Variants in URI1 observed in about 807,000 individuals in gnomAD.
URI1 encodes URI1 prefoldin like chaperone, also known as unconventional prefoldin RPB5 interactor 1.
URI1 carries 39 observed loss-of-function variants against 60.2 expected under a neutral mutation model. The observed-to-expected ratio is 0.65, with a 90% CI of 0.50 to 0.85. The LOEUF is 0.85. URI1 is among the 40% of genes least tolerant of loss of function. URI1 has a pLI of 0.00. For synonymous variants in URI1, 251 were observed against 236.8 expected, an observed-to-expected ratio of 1.06 and a Z score of -0.55; for missense variants, 691 against 665.9, an observed-to-expected ratio of 1.04 and a Z score of -0.42.
rs982858558 is a variant in URI1 at position 30,015,543 on chromosome 19, G to A, written c.*474G>A. 1.6e-5 allele frequency: 25 copies of A among 1,534,618 alleles called. No homozygotes were observed. Among genetic ancestry groups the A allele is most frequent in the Non-Finnish European group, 1.7e-5 (20 of 1,146,208 alleles). On this transcript the variant is annotated 3_prime_UTR_variant, in exon 11 of 11. Transcript: ENST00000392271. ...AATCTACTTCTCTTGTAGGTTTTGC[G>A]GCTAGTTGGCTATTCAAGAAACCTC...
chr19:29,937,393 C>A (rs2054982960), upstream of URI1, among the ~76,000 whole-genome samples: 1 of 151,952 alleles, frequency 6.6e-6, no homozygotes, highest in African/African-American at 2.4e-5. Context: ...TCTTTTTTTC[C>A]CCCTGTGAAT....
In URI1 at chr19:29,952,687, A is replaced by G. The variant is rs1169040634; in HGVS notation, c.117+10023A>G. On this transcript the variant is annotated intron_variant, in intron 1 of 10. Transcript: ENST00000392271. ...AGTTTAGAGATCTTTTATTCTAGCA[A>G]TCTTGTTTTATTATGGTAAACTAAA... 2.0e-5 allele frequency among the ~76,000 whole-genome samples: 3 copies of G among 151,948 alleles called. No individual in the cohort carries two copies. In the East Asian group the frequency reaches 5.8e-4, roughly 29 times the overall value.
rs3049080 is a variant in URI1 at position 29,927,560 on chromosome 19, C to CT, written c.63+3832dup. Among the ~76,000 whole-genome samples, 80 of 39,808 alleles carry CT rather than the reference C, an allele frequency of 2.0e-3. 9 individuals carry two copies. The highest frequency in any genetic ancestry group is 8.8e-3 in the African/African-American group (69 of 7,836). 26.1% of individuals were successfully genotyped at this position (39,808 alleles called of 152,430 possible). A position where few individuals can be genotyped will look rare whatever the true frequency, so the allele number is the denominator to read the frequency against. ...TACAAGCATGAGCCACTGCACCCGG[C>CT]TTTTTTTTTTTTTTTTTTTTTTTTT... is the stretch of plus-strand genomic sequence containing the variant. On this transcript the variant is annotated intron_variant, in intron 1 of 10. Transcript: ENST00000360605.
intron 8 of URI1, among the ~76,000 whole-genome samples, chr19:30,009,795 G>A (rs2055994840): frequency 6.6e-6 from 1 of 152,140 alleles, no homozygotes; most frequent in African/African-American, 2.4e-5. Context: ...AAATGTAGGA[G>A]GAAGTAAAAA....
chr19:29,977,261 C>G (rs1423284810), intron 2 of URI1, among the ~76,000 whole-genome samples: 1 of 151,960 alleles, frequency 6.6e-6, no homozygotes, highest in Non-Finnish European at 1.5e-5. Flanking sequence ...TGCACAGAAG[C>G]ACTGAACTAT....
chr19:29,965,451 G>A (rs1282181369), intron 1 of URI1, among the ~76,000 whole-genome samples: 1 of 152,202 alleles, frequency 6.6e-6, no homozygotes, highest in Non-Finnish European at 1.5e-5. Flanking sequence ...CAGTTCGGAA[G>A]CCTGAAAAGC....
intron 4 of URI1, among the ~76,000 whole-genome samples, chr19:29,993,595 C>CT (rs111505537): frequency 3.0e-4 from 45 of 147,952 alleles, no homozygotes; most frequent in East Asian, 1.6e-3. Context: ...CCGAATACAG[C>CT]TTTTTTTTTT....
intron 1 of URI1, among the ~76,000 whole-genome samples, chr19:29,964,452 G>GTTTTTTTTTTTTTT (rs1380907956): frequency 1.5e-5 from 2 of 137,260 alleles, no homozygotes; most frequent in African/African-American, 5.5e-5. Flanking sequence ...TTTTGTTTTT[G>GTTTTTTTTTTTTTT]TTTTTTGTTT....
intron 1 of URI1, among the ~76,000 whole-genome samples, chr19:29,952,266 A>G (rs2055189350): frequency 6.6e-6 from 1 of 152,246 alleles, no homozygotes; most frequent in African/African-American, 2.4e-5. Context: ...ATCTTGATGC[A>G]CAAAGATTAT....
intron 1 of URI1, among the ~76,000 whole-genome samples, chr19:29,966,809 C>G (rs2055396719): frequency 6.6e-6 from 1 of 152,164 alleles, no homozygotes; most frequent in African/African-American, 2.4e-5. Context: ...GAGAAGCAAA[C>G]TATATAAATT....
intron 4 of URI1, among the ~76,000 whole-genome samples, chr19:30,002,636 A>C (rs959015422): frequency 6.6e-6 from 1 of 151,944 alleles, no homozygotes; most frequent in Non-Finnish European, 1.5e-5. Context: ...TTTGAAAACA[A>C]TCTTCTGTCC....
chr19:30,005,805 C>A, intron 6 of URI1, 97 bp downstream of exon 6: 2 of 1,147,832 alleles, frequency 1.7e-6, no homozygotes, highest in Non-Finnish European at 1.2e-6. Context: ...ATTTAGAATA[C>A]ACTTTTAAAT....
At chr19:29,956,912 A>G in intron 1 of URI1, 2 of 1,146,006 alleles carry the variant, frequency 1.7e-6, no homozygotes, top group Non-Finnish European at 2.6e-6. Flanking sequence ...GCCCTTTATG[A>G]TAACTGTGCG....
At chr19:29,926,720 C>A (rs949379231) in intron 1 of URI1, among the ~76,000 whole-genome samples, 10 of 152,226 alleles carry the variant, frequency 6.6e-5, no homozygotes, top group African/African-American at 2.4e-4. Flanking sequence ...TGTGAAACGA[C>A]CTATACATTG....
intron 1 of URI1, among the ~76,000 whole-genome samples, chr19:29,959,437 T>G (rs2055293937): frequency 6.6e-6 from 1 of 152,200 alleles, no homozygotes; most frequent in Non-Finnish European, 1.5e-5. Flanking sequence ...CTCGTACTGT[T>G]TCTAACTTAA....
chr19:30,000,013 C>T (rs1325493113), intron 4 of URI1, among the ~76,000 whole-genome samples: 1 of 150,968 alleles, frequency 6.6e-6, no homozygotes, highest in Non-Finnish European at 1.5e-5. Flanking sequence ...TATTAACTAC[C>T]TGTCTATAAT....
At chr19:29,948,667 A>G (rs1372198744) in intron 1 of URI1, among the ~76,000 whole-genome samples, 2 of 152,210 alleles carry the variant, frequency 1.3e-5, no homozygotes, top group Non-Finnish European at 2.9e-5. Flanking sequence ...GGGTAAGGTT[A>G]TAGATTAACA....
intron 9 of URI1, among the ~76,000 whole-genome samples, chr19:30,012,013 G>A (rs547078244): frequency 1.3e-5 from 2 of 152,008 alleles, no homozygotes; most frequent in South Asian, 2.1e-4. Flanking sequence ...AAACCTGCAC[G>A]TTGTGCACAT....
At chr19:29,938,615 C>A (rs1171152348), upstream of URI1, among the ~76,000 whole-genome samples, 1 of 152,114 alleles carries the variant, frequency 6.6e-6, no homozygotes, top group Middle Eastern at 3.2e-3. Context: ...CAGTGGGGGG[C>A]CTGGCACATG....
Sources: gnomAD v4.1 joint callset for allele counts (sites outside exome capture counted in the v4.1 genomes callset) on GRCh38, gnomAD v4.1.1 for gene constraint, MANE v1.5 for transcripts, NCBI Gene and HGNC (gene_info 2026-07-23, HGNC 2026-07-21) for gene names.